Variants in SLCO2B1 observed in about 807,000 individuals in gnomAD.
The protein encoded by SLCO2B1 is solute carrier organic anion transporter family member 2B1.
A neutral mutation model predicts 67.3 loss-of-function variants in SLCO2B1; 41 were observed. The ratio of observed to expected loss-of-function variants is 0.61; its 90% CI spans 0.47 to 0.79. The LOEUF (loss-of-function observed/expected upper bound fraction) is 0.79. Ranked by LOEUF, SLCO2B1 falls within the 30% of genes least tolerant of loss-of-function variation. The pLI is 0.00. For missense variants in SLCO2B1, 837 were observed against 920.1 expected, an observed-to-expected ratio of 0.91 and a Z score of 1.17; for synonymous variants, 379 against 381.4, an observed-to-expected ratio of 0.99 and a Z score of 0.07.
chr11:75,172,299 A>G lies in SLCO2B1; in HGVS notation c.782-80A>G, dbSNP rs933471619. 22 of 1,342,924 alleles carry G rather than the reference A, an allele frequency of 1.6e-5. No individual in the cohort carries two copies. The African/African-American group carries it at 3.2e-4, about 20-fold the overall frequency. 83.2% of individuals were successfully genotyped at this position (1,342,924 alleles called of 1,614,324 possible). ...CCCAGCCTGGGCCACCTCATGTCTC[A>G]GAGGCCAGTCCCAGGATGGCGGCTT... is the stretch of plus-strand genomic sequence containing the variant. On this transcript the variant is annotated intron_variant, in intron 6 of 13. Coordinates refer to ENST00000289575, the MANE Select transcript of SLCO2B1 (RefSeq NM_007256.5).
intron 1 of SLCO2B1, chr11:75,151,717 AC>A: frequency 2.2e-6 from 1 of 455,342 alleles, no homozygotes; most frequent in Non-Finnish European, 4.0e-6. Flanking sequence ...CTCAAAGGAG[AC>A]AAAGATAGAG....
At chr11:75,164,191 G>C in intron 3 of SLCO2B1, 91 bp downstream of exon 3, 1 of 1,400,356 alleles carries the variant, frequency 7.1e-7, no homozygotes, top group Non-Finnish European at 9.6e-7. Flanking sequence ...CCTACCTTAA[G>C]GCCTTCCCCT....
chr11:75,157,649 T>G (rs1300960318), intron 1 of SLCO2B1, among the ~76,000 whole-genome samples: 1 of 152,214 alleles, frequency 6.6e-6, no homozygotes, highest in African/African-American at 2.4e-5. Context: ...GCCACCTATA[T>G]GCCAGGCCAG....
At chr11:75,165,970 G>A in intron 4 of SLCO2B1, 21 bp downstream of exon 4, 1 of 1,607,412 alleles carries the variant, frequency 6.2e-7, no homozygotes, top group East Asian at 2.2e-5. Context: ...CAGGGGCTGG[G>A]CAGGAGTGGG....
intron 1 of SLCO2B1, among the ~76,000 whole-genome samples, chr11:75,160,568 C>T (rs1456598329): frequency 6.6e-6 from 1 of 152,186 alleles, no homozygotes; most frequent in Non-Finnish European, 1.5e-5. Context: ...TTGCTTTGAA[C>T]TGCCTTATTT....
At chr11:75,171,677 C>T (rs767176971) in intron 6 of SLCO2B1, among the ~76,000 whole-genome samples, 2 of 152,138 alleles carry the variant, frequency 1.3e-5, no homozygotes, top group Admixed American at 6.5e-5. Context: ...AGGAGGTACA[C>T]CTGGGATAAT....
chr11:75,185,417 C>T (rs1227954541), intron 7 of SLCO2B1, among the ~76,000 whole-genome samples: 1 of 151,940 alleles, frequency 6.6e-6, no homozygotes, highest in African/African-American at 2.4e-5. Context: ...GAAGCCTTGC[C>T]TGCGCACCAC....
intron 7 of SLCO2B1, among the ~76,000 whole-genome samples, chr11:75,176,530 G>T (rs572990110): frequency 6.6e-6 from 1 of 152,340 alleles, no homozygotes; most frequent in African/African-American, 2.4e-5. Flanking sequence ...TATGCTAAAA[G>T]TCTGTGCCTC....
chr11:75,163,643 C>A (rs931882391), intron 2 of SLCO2B1, among the ~76,000 whole-genome samples: 2 of 152,116 alleles, frequency 1.3e-5, no homozygotes, highest in African/African-American at 4.8e-5. Context: ...AGCCCCCAGG[C>A]TCCTGGAGTG....
chr11:75,153,199 C>A (rs958085239), intron 1 of SLCO2B1, among the ~76,000 whole-genome samples: 1 of 152,208 alleles, frequency 6.6e-6, no homozygotes, highest in Non-Finnish European at 1.5e-5. Flanking sequence ...TCCAGGAAGC[C>A]GTTCCAGATT....
chr11:75,202,739 G>C, intron 11 of SLCO2B1, 162 bp from the exon 12 acceptor site: 2 of 661,812 alleles, frequency 3.0e-6, no homozygotes, highest in Admixed American at 2.5e-5. Context: ...GAAAAAGGAT[G>C]GGGTACGTCC....
At chr11:75,173,674 G>C (rs1949991808) in intron 7 of SLCO2B1, among the ~76,000 whole-genome samples, 1 of 152,160 alleles carries the variant, frequency 6.6e-6, no homozygotes, top group South Asian at 2.1e-4. Context: ...AGGATCATGT[G>C]AGCCACCAGG....
At chr11:75,185,841 A>G (rs999291307) in intron 7 of SLCO2B1, among the ~76,000 whole-genome samples, 8 of 152,140 alleles carry the variant, frequency 5.3e-5, no homozygotes, top group African/African-American at 1.9e-4. Flanking sequence ...CTCTGCTACA[A>G]GGGTTTGTGA....
chr11:75,174,342 G>A (rs1949999314), intron 7 of SLCO2B1, among the ~76,000 whole-genome samples: 1 of 151,344 alleles, frequency 6.6e-6, no homozygotes, highest in Non-Finnish European at 1.5e-5. Flanking sequence ...GAGCATTTCT[G>A]TGGCAGGTTG....
intron 7 of SLCO2B1, among the ~76,000 whole-genome samples, chr11:75,181,384 A>G (rs1040030487): frequency 6.6e-6 from 1 of 151,316 alleles, no homozygotes; most frequent in African/African-American, 2.4e-5. Flanking sequence ...AAAAAAAAAA[A>G]AAAAGAAAAA....
chr11:75,179,039 G>A (rs1439426646), intron 7 of SLCO2B1, among the ~76,000 whole-genome samples: 2 of 152,004 alleles, frequency 1.3e-5, no homozygotes, highest in Non-Finnish European at 1.5e-5. Context: ...GGTTGAATCC[G>A]TATCTTGGCT....
chr11:75,179,923 C>T (rs772864571), intron 7 of SLCO2B1, among the ~76,000 whole-genome samples: 3 of 152,120 alleles, frequency 2.0e-5, no homozygotes, highest in Non-Finnish European at 4.4e-5. Context: ...AACTCCTGGC[C>T]TCAAGTGATC....
intron 7 of SLCO2B1, among the ~76,000 whole-genome samples, chr11:75,185,856 C>T (rs1003902331): frequency 1.3e-4 from 20 of 152,014 alleles, no homozygotes; most frequent in African/African-American, 3.6e-4. Flanking sequence ...TTGTGATCAA[C>T]GATTTTCTTA....
At chr11:75,168,102 A>G (rs1410724075) in intron 4 of SLCO2B1, among the ~76,000 whole-genome samples, 2 of 152,104 alleles carry the variant, frequency 1.3e-5, no homozygotes, top group Non-Finnish European at 2.9e-5. Context: ...CATGTTGGCC[A>G]GCCTGGTCTC....
Sources: gnomAD v4.1 joint callset for allele counts (sites outside exome capture counted in the v4.1 genomes callset) on GRCh38, gnomAD v4.1.1 for gene constraint, MANE v1.5 for transcripts, NCBI Gene and HGNC (gene_info 2026-07-23, HGNC 2026-07-21) for gene names.